Variants in TAFA4 observed in about 807,000 individuals in gnomAD.
TAFA4 encodes chemokine-like protein TAFA-4.
In TAFA4, 20 loss-of-function variants were observed where a neutral mutation model predicts 21.1. The ratio of observed to expected loss-of-function variants is 0.95; its 90% CI spans 0.67 to 1.38. TAFA4 has a LOEUF of 1.38. Among genes scored for constraint, TAFA4 ranks in the 40% most tolerant of loss-of-function variants. The pLI is 0.00. For missense variants in TAFA4, 211 were observed against 180.9 expected (o/e 1.17, Z -0.95); for synonymous variants, 71 against 67.4 (o/e 1.05, Z -0.26).
At chr3:68,847,017 G>A (rs1240740112) in intron 3 of TAFA4, among the ~76,000 whole-genome samples, 2 of 152,194 alleles carry the variant, frequency 1.3e-5, no homozygotes, top group African/African-American at 4.8e-5. Context: ...TGAGGAGGCA[G>A]TCTGTTCCTT....
intron 1 of TAFA4, among the ~76,000 whole-genome samples, chr3:68,907,085 A>T (rs1210481858): frequency 6.7e-6 from 1 of 150,144 alleles, no homozygotes; most frequent in African/African-American, 2.4e-5. Context: ...GAAAGAACTC[A>T]TTGCTGTCTA....
chr3:68,763,205 T>C (rs1013050041), intron 3 of TAFA4, among the ~76,000 whole-genome samples: 4 of 152,154 alleles, frequency 2.6e-5, no homozygotes, highest in African/African-American at 9.7e-5. Context: ...GAGAGACCTT[T>C]AGGAAAATTG....
At chr3:68,822,916 A>T (rs1704144482) in intron 3 of TAFA4, among the ~76,000 whole-genome samples, 2 of 152,220 alleles carry the variant, frequency 1.3e-5, no homozygotes, top group South Asian at 2.1e-4. Flanking sequence ...TACAAATAAC[A>T]TTCCAAACTA....
chr3:68,912,174 T>C (rs1044350239), intron 1 of TAFA4, among the ~76,000 whole-genome samples: 23 of 152,204 alleles, frequency 1.5e-4, no homozygotes, highest in African/African-American at 5.5e-4. Context: ...AAGGGGAATA[T>C]GAGCCAGTTT....
intron 3 of TAFA4, among the ~76,000 whole-genome samples, chr3:68,780,657 T>G (rs1179198937): frequency 2.0e-5 from 3 of 152,222 alleles, no homozygotes; most frequent in Non-Finnish European, 4.4e-5. Context: ...CACATGGAAC[T>G]GTAAATCTAA....
At chr3:68,862,253 T>C (rs556665533) in intron 3 of TAFA4, among the ~76,000 whole-genome samples, 1 of 152,042 alleles carries the variant, frequency 6.6e-6, no homozygotes. Flanking sequence ...TATGCCATGG[T>C]GAAACCTATG....
chr3:68,824,241 T>G (rs1366554144), intron 3 of TAFA4, among the ~76,000 whole-genome samples: 2 of 152,258 alleles, frequency 1.3e-5, no homozygotes, highest in Non-Finnish European at 2.9e-5. Flanking sequence ...ATGATGTAAA[T>G]TTATGATGGT....
At chr3:68,898,146 C>G (rs943420650) in intron 1 of TAFA4, among the ~76,000 whole-genome samples, 2 of 152,162 alleles carry the variant, frequency 1.3e-5, no homozygotes, top group Non-Finnish European at 1.5e-5. Context: ...CAAGGAGATA[C>G]ATTTTATAGC....
At chr3:68,736,737 C>A (rs183145115) in intron 5 of TAFA4, among the ~76,000 whole-genome samples, 97 of 152,100 alleles carry the variant, frequency 6.4e-4, no homozygotes, top group African/African-American at 2.3e-3. Context: ...AGTCACAGAT[C>A]CACAAATGAA....
chr3:68,757,150 C>A (rs1223043435), intron 3 of TAFA4, among the ~76,000 whole-genome samples: 1 of 152,076 alleles, frequency 6.6e-6, no homozygotes, highest in Non-Finnish European at 1.5e-5. Flanking sequence ...TATTTTCTCA[C>A]AGCTCTGGAG....
intron 3 of TAFA4, among the ~76,000 whole-genome samples, chr3:68,804,521 G>C (rs1703646216): frequency 6.6e-6 from 1 of 152,176 alleles, no homozygotes; most frequent in Non-Finnish European, 1.5e-5. Context: ...AACAAAGCTG[G>C]AGGCAGCATC....
chr3:68,859,789 A>G (rs1170603695), intron 3 of TAFA4, among the ~76,000 whole-genome samples: 1 of 152,166 alleles, frequency 6.6e-6, no homozygotes, highest in African/African-American at 2.4e-5. Flanking sequence ...AGGAGGATCC[A>G]GTGTTTCAAA....
chr3:68,846,477 G>A (rs537793610), intron 3 of TAFA4, among the ~76,000 whole-genome samples: 28 of 151,964 alleles, frequency 1.8e-4, no homozygotes, highest in African/African-American at 4.6e-4. Flanking sequence ...CCTTTAGCTC[G>A]GAGGAGTCTG....
At chr3:68,735,329 T>C (rs1344638469) in intron 5 of TAFA4, among the ~76,000 whole-genome samples, 1 of 152,076 alleles carries the variant, frequency 6.6e-6, no homozygotes, top group Non-Finnish European at 1.5e-5. Flanking sequence ...TGATGTTCTC[T>C]CAACAGGGAG....
At chr3:68,866,847 C>G (rs2106930865) in intron 3 of TAFA4, among the ~76,000 whole-genome samples, 1 of 151,590 alleles carries the variant, frequency 6.6e-6, no homozygotes, top group Admixed American at 6.6e-5. Flanking sequence ...AGCTCAAAAG[C>G]AGGCTGTTTG....
At position 68,918,870 on chromosome 3, in the gene TAFA4, A is replaced by G. The variant is rs536862137; in HGVS notation, c.-123+13370T>C. 4.6e-5 allele frequency among the ~76,000 whole-genome samples: 7 copies of G among 152,220 alleles called. No individual in the cohort carries two copies. In the South Asian group the frequency reaches 1.5e-3, roughly 32 times the overall value. Reference sequence around the variant, plus strand: ...CCATTTGCTTTAAAACCAGATTTTTATAAACTTTCTGTAACCAGCACTTTC... The same window carrying G: ...CCATTTGCTTTAAAACCAGATTTTTGTAAACTTTCTGTAACCAGCACTTTC... On this transcript the variant is annotated intron_variant, in intron 1 of 5. Transcript: ENST00000295569.
At chr3:68,753,057 T>G (rs1267245430) in intron 3 of TAFA4, 39 bp from the exon 4 acceptor site, 1 of 1,591,906 alleles carries the variant, frequency 6.3e-7, no homozygotes, top group Non-Finnish European at 8.6e-7. Flanking sequence ...CCCAGTGCTG[T>G]TAGAAGGAAA....
intron 3 of TAFA4, among the ~76,000 whole-genome samples, chr3:68,834,093 C>T (rs142758786): frequency 1.4e-3 from 207 of 152,300 alleles, no homozygotes; most frequent in Non-Finnish European, 4.0e-4. Flanking sequence ...AGAGGAATGA[C>T]TTACATAACT....
At chr3:68,751,798 A>AGT (rs1452269868) in intron 4 of TAFA4, among the ~76,000 whole-genome samples, 2 of 152,240 alleles carry the variant, frequency 1.3e-5, no homozygotes, top group Non-Finnish European at 2.9e-5. Flanking sequence ...TGGAGAGTAC[A>AGT]GTAGGTCTGT....
Sources: gnomAD v4.1 joint callset for allele counts (sites outside exome capture counted in the v4.1 genomes callset) on GRCh38, gnomAD v4.1.1 for gene constraint, MANE v1.5 for transcripts, NCBI Gene and HGNC (gene_info 2026-07-23, HGNC 2026-07-21) for gene names.